CNTN5: variants seen among roughly 807,000 people sequenced by gnomAD.
CNTN5 encodes the protein contactin 5.
In CNTN5, 77 loss-of-function variants were observed where a neutral mutation model predicts 129.1. The observed-to-expected ratio is 0.60, with a 90% CI of 0.50 to 0.72. The LOEUF (loss-of-function observed/expected upper bound fraction) is 0.72. Among genes scored for constraint, CNTN5 ranks in the 30% least tolerant of loss-of-function variants. The pLI, the probability that CNTN5 is intolerant of heterozygous loss-of-function variation, is 0.00. For missense variants in CNTN5, 1,478 were observed against 1,328.8 expected (o/e 1.11, Z -1.75); for synonymous variants, 509 against 465.6 (o/e 1.09, Z -1.20).
chr11:99,927,642 G>C (rs1304107254), intron 7 of CNTN5, among the ~76,000 whole-genome samples: 3 of 152,064 alleles, frequency 2.0e-5, no homozygotes, highest in African/African-American at 7.2e-5. Context: ...CTTGCTCACT[G>C]TCATGAGAAC....
intron 6 of CNTN5, among the ~76,000 whole-genome samples, chr11:99,892,593 C>A (rs1418098034): frequency 6.6e-6 from 1 of 152,100 alleles, no homozygotes; most frequent in Non-Finnish European, 1.5e-5. Flanking sequence ...AATCCTTTCC[C>A]CATTGCTTGT....
chr11:99,331,562 T>C (rs1866000189), intron 2 of CNTN5, among the ~76,000 whole-genome samples: 1 of 152,080 alleles, frequency 6.6e-6, no homozygotes, highest in South Asian at 2.1e-4. Flanking sequence ...CAAAACACCT[T>C]GGTGCCTAGA....
chr11:99,954,622 A>G (rs1950754767), intron 7 of CNTN5, among the ~76,000 whole-genome samples: 2 of 152,184 alleles, frequency 1.3e-5, no homozygotes, highest in Admixed American at 1.3e-4. Flanking sequence ...TTATAGATTT[A>G]TAGTTTTTTT....
intron 17 of CNTN5, among the ~76,000 whole-genome samples, chr11:100,268,277 T>C (rs1950343937): frequency 6.6e-6 from 1 of 152,154 alleles, no homozygotes; most frequent in South Asian, 2.1e-4. Flanking sequence ...AGGTTTAGCG[T>C]AAAGTTATTG....
chr11:99,796,832 T>G (rs996899983), intron 3 of CNTN5, among the ~76,000 whole-genome samples: 2 of 151,988 alleles, frequency 1.3e-5, no homozygotes, highest in Non-Finnish European at 2.9e-5. Context: ...CTGGCTGGGT[T>G]TTTTTCCCCT....
At chr11:99,089,610 G>T (rs887811536) in intron 1 of CNTN5, among the ~76,000 whole-genome samples, 3 of 152,076 alleles carry the variant, frequency 2.0e-5, no homozygotes, top group Non-Finnish European at 2.9e-5. Flanking sequence ...AAGTCATTTC[G>T]CATTAAACAA....
intron 18 of CNTN5, among the ~76,000 whole-genome samples, chr11:100,290,915 AAAAC>A (rs1182486056): frequency 5.3e-5 from 8 of 151,890 alleles, no homozygotes; most frequent in African/African-American, 1.7e-4. Flanking sequence ...TTACAAGAAA[AAAAC>A]AAACAACCCC....
intron 2 of CNTN5, among the ~76,000 whole-genome samples, chr11:99,400,482 A>G (rs1028565607): frequency 2.0e-5 from 3 of 152,094 alleles, no homozygotes; most frequent in Non-Finnish European, 4.4e-5. Context: ...GTTGATGGAC[A>G]CTTAGGCTTA....
At position 100,357,317 on chromosome 11, in the gene CNTN5, T is replaced by C. The variant is rs955289193; in HGVS notation, c.*1097T>C. 1.3e-5 allele frequency: 2 copies of C among 151,816 alleles called. No individual in the cohort carries two copies. The highest frequency in any genetic ancestry group is 2.9e-5 in the Non-Finnish European group (2 of 67,806). The allele number at this position is 151,816 out of a possible 1,614,324, so 9.4% of individuals were successfully genotyped here. ...ATAAAGACAGTCTTTCTTGGATAAATTGAATTTTTAATTAAGCTGTGGAAA... is the reference window on the plus strand; with the variant it reads ...ATAAAGACAGTCTTTCTTGGATAAACTGAATTTTTAATTAAGCTGTGGAAA... On this transcript the variant is annotated 3_prime_UTR_variant, in exon 25 of 25. Coordinates refer to ENST00000524871, the MANE Select transcript of CNTN5 (RefSeq NM_014361.4).
chr11:99,354,497 T>G (rs61894582), intron 2 of CNTN5, among the ~76,000 whole-genome samples: 8,918 of 152,212 alleles, frequency 0.059, 615 homozygotes, highest in Admixed American at 0.19. Context: ...AAGACAACAC[T>G]AGTCAGTTGA....
At chr11:99,545,286 C>T (rs1948253718) in intron 2 of CNTN5, among the ~76,000 whole-genome samples, 1 of 152,132 alleles carries the variant, frequency 6.6e-6, no homozygotes, top group Non-Finnish European at 1.5e-5. Context: ...GTGCCTATAA[C>T]AAGACATTGT....
intron 7 of CNTN5, among the ~76,000 whole-genome samples, chr11:99,955,695 A>C (rs777294236): frequency 1.3e-5 from 2 of 151,582 alleles, no homozygotes; most frequent in Non-Finnish European, 1.5e-5. Flanking sequence ...AGTAGCTAGG[A>C]CTACTGGTGC....
chr11:100,201,429 T>C (rs562808438), intron 15 of CNTN5, among the ~76,000 whole-genome samples: 8 of 152,126 alleles, frequency 5.3e-5, no homozygotes, highest in South Asian at 2.1e-4. Flanking sequence ...AAAACCATTC[T>C]TTATAACATT....
intron 1 of CNTN5, among the ~76,000 whole-genome samples, chr11:99,268,945 T>C (rs1335064162): frequency 6.6e-6 from 1 of 151,994 alleles, no homozygotes; most frequent in Admixed American, 6.6e-5. Flanking sequence ...AGAGTCTTCT[T>C]CCGCAAAATC....
At chr11:100,213,220 T>G (rs1329268499) in intron 15 of CNTN5, among the ~76,000 whole-genome samples, 1 of 152,278 alleles carries the variant, frequency 6.6e-6, no homozygotes, top group Non-Finnish European at 1.5e-5. Flanking sequence ...ATATGAAATC[T>G]TGGATCAAAT....
chr11:100,156,299 T>C (rs1485698499), intron 13 of CNTN5, among the ~76,000 whole-genome samples: 1 of 152,146 alleles, frequency 6.6e-6, no homozygotes, highest in Non-Finnish European at 1.5e-5. Context: ...TGTGATGGAT[T>C]ACGTTTATTG....
At chr11:99,207,416 C>T (rs1468775011) in intron 1 of CNTN5, among the ~76,000 whole-genome samples, 1 of 152,142 alleles carries the variant, frequency 6.6e-6, no homozygotes, top group African/African-American at 2.4e-5. Flanking sequence ...CTGAAGCACA[C>T]TCCAAGAGCT....
chr11:99,318,530 A>T (rs1205852484), intron 1 of CNTN5, among the ~76,000 whole-genome samples: 1 of 150,798 alleles, frequency 6.6e-6, no homozygotes, highest in Non-Finnish European at 1.5e-5. Context: ...TAATTTCAAA[A>T]ACTTTTGAGA....
chr11:99,312,670 C>T (rs370562930), intron 1 of CNTN5, among the ~76,000 whole-genome samples: 2 of 152,002 alleles, frequency 1.3e-5, no homozygotes, highest in East Asian at 1.9e-4. Context: ...TGCTGTAAGA[C>T]AATTCAGATA....
Sources: gnomAD v4.1 joint callset for allele counts (sites outside exome capture counted in the v4.1 genomes callset) on GRCh38, gnomAD v4.1.1 for gene constraint, MANE v1.5 for transcripts, NCBI Gene and HGNC (gene_info 2026-07-23, HGNC 2026-07-21) for gene names.